Variants in ADAMTS3 observed in about 807,000 individuals in gnomAD.
ADAMTS3 encodes the protein ADAM metallopeptidase with thrombospondin type 1 motif 3, also known as A disintegrin and metalloproteinase with thrombospondin motifs 3.
ADAMTS3 carries 73 observed loss-of-function variants against 129.0 expected under a neutral mutation model. The observed-to-expected ratio is 0.57, with a 90% CI of 0.47 to 0.69. The LOEUF (loss-of-function observed/expected upper bound fraction) is 0.69, where lower values mean the gene tolerates loss of function less well. Among genes scored for constraint, ADAMTS3 ranks in the 30% least tolerant of loss-of-function variants. The pLI is 0.00. For missense variants in ADAMTS3, 1,457 were observed against 1,514.5 expected (o/e 0.96, Z 0.63); for synonymous variants, 477 against 510.8 (o/e 0.93, Z 0.89).
intron 17 of ADAMTS3, among the ~76,000 whole-genome samples, chr4:72,301,011 G>A (rs1382654741): frequency 1.3e-5 from 2 of 152,188 alleles, no homozygotes; most frequent in African/African-American, 4.8e-5. Flanking sequence ...ATGTTCCACA[G>A]AAACTATAAG....
chr4:72,312,238 T>G, intron 13 of ADAMTS3, 53 bp downstream of exon 13: 8 of 1,601,726 alleles, frequency 5.0e-6, no homozygotes, highest in Non-Finnish European at 6.8e-6. Flanking sequence ...TGGCAAAGCT[T>G]AAACTGTGAG....
At chr4:72,319,000 A>G (rs1158084562) in intron 9 of ADAMTS3, among the ~76,000 whole-genome samples, 1 of 152,198 alleles carries the variant, frequency 6.6e-6, no homozygotes, top group East Asian at 1.9e-4. Flanking sequence ...CCTGACACCT[A>G]TACTGTAGAG....
intron 4 of ADAMTS3, among the ~76,000 whole-genome samples, chr4:72,352,198 C>G (rs116540452): frequency 1.3e-5 from 2 of 151,996 alleles, no homozygotes; most frequent in Non-Finnish European, 2.9e-5. Context: ...AGTGAGAACA[C>G]TTTACCACGT....
intron 3 of ADAMTS3, among the ~76,000 whole-genome samples, chr4:72,447,127 C>T (rs1718276346): frequency 6.6e-6 from 1 of 151,714 alleles, no homozygotes; most frequent in African/African-American, 2.4e-5. Flanking sequence ...ACTGTTCTTA[C>T]GGTTGCTCTA....
chr4:72,416,164 C>CACATAT, intron 3 of ADAMTS3, among the ~76,000 whole-genome samples: 1 of 148,632 alleles, frequency 6.7e-6, no homozygotes, highest in African/African-American at 2.4e-5. Flanking sequence ...ATGTTTTCAG[C>CACATAT]AAATATAAAT....
chr4:72,462,088 T>G (rs1718785648), intron 3 of ADAMTS3, among the ~76,000 whole-genome samples: 1 of 151,920 alleles, frequency 6.6e-6, no homozygotes, highest in Non-Finnish European at 1.5e-5. Flanking sequence ...TGAAGAGTTA[T>G]GACTTTAAAA....
intron 3 of ADAMTS3, among the ~76,000 whole-genome samples, chr4:72,430,269 T>C (rs1722665983): frequency 6.6e-6 from 1 of 152,058 alleles, no homozygotes; most frequent in African/African-American, 2.4e-5. Flanking sequence ...GAAGTGTCAC[T>C]GCAGGACTTC....
At chr4:72,318,219 T>TG (rs1560470248) in intron 10 of ADAMTS3, among the ~76,000 whole-genome samples, 1 of 151,998 alleles carries the variant, frequency 6.6e-6, no homozygotes, top group Non-Finnish European at 1.5e-5. Flanking sequence ...TCTCTGAAGG[T>TG]CACAAAAAGC....
intron 17 of ADAMTS3, among the ~76,000 whole-genome samples, chr4:72,300,967 G>A (rs1194561521): frequency 6.6e-6 from 1 of 152,156 alleles, no homozygotes; most frequent in African/African-American, 2.4e-5. Flanking sequence ...GATACTCTAT[G>A]CCAGAACTAG....
chr4:72,530,631 T>C (rs1166621964), intron 3 of ADAMTS3, among the ~76,000 whole-genome samples: 2 of 83,484 alleles, frequency 2.4e-5, no homozygotes, highest in East Asian at 7.3e-4. Context: ...TATATTATTA[T>C]ATAATATATT....
chr4:72,566,976 T>C (rs1427889242), intron 2 of ADAMTS3, among the ~76,000 whole-genome samples: 1 of 152,250 alleles, frequency 6.6e-6, no homozygotes, highest in African/African-American at 2.4e-5. Context: ...CTGTACTTCA[T>C]TGTTCTCTTC....
intron 3 of ADAMTS3, among the ~76,000 whole-genome samples, chr4:72,544,008 A>G (rs1721403404): frequency 6.6e-6 from 1 of 152,114 alleles, no homozygotes; most frequent in South Asian, 2.1e-4. Context: ...CTGGAGTTAG[A>G]TCTCAGTTCA....
rs771924405 is a variant in ADAMTS3, at chr4:72,283,467, G to T, written c.3287C>A (p.Thr1096Asn). 4 of 1,614,062 alleles carry T rather than the reference G, an allele frequency of 2.5e-6. No homozygotes were observed. In the South Asian group the frequency reaches 3.3e-5, roughly 13 times the overall value. The change falls in exon 22 of 22, where the codon ACC becomes AAC. Residue 1096 changes from threonine to asparagine, a missense_variant. By Grantham distance (65) the Thr-to-Asn change is moderately conservative. Coordinates refer to ENST00000286657, the MANE Select transcript of ADAMTS3 (RefSeq NM_014243.3). ...PTSLVPYHSETPAKKMSLSSI... is the reference protein window; with the variant it reads ...PTSLVPYHSENPAKKMSLSSI... ...ACTCAAAGACATCTTCTTTGCAGGG[G>T]TCTCTGAATGATAAGGAACCAAAGA...
intron 4 of ADAMTS3, among the ~76,000 whole-genome samples, chr4:72,360,774 T>A (rs973511241): frequency 1.3e-5 from 2 of 152,136 alleles, no homozygotes; most frequent in African/African-American, 4.8e-5. Flanking sequence ...TCAAAATATA[T>A]CTTAAATATT....
chr4:72,342,709 C>T (rs1720171126), intron 4 of ADAMTS3, among the ~76,000 whole-genome samples: 1 of 152,102 alleles, frequency 6.6e-6, no homozygotes, highest in Non-Finnish European at 1.5e-5. Context: ...ATTGTGGAAT[C>T]TAAGATTGAT....
Position 72,463,912 on chromosome 4 carries a change from C to A in ADAMTS3, c.505-48941G>T, listed in dbSNP as rs147507719. Among the ~76,000 whole-genome samples the A allele has an allele frequency of 1.4e-4, 22 of 151,936 alleles. No individual in the cohort carries two copies. The East Asian group carries it at 3.9e-3, about 27-fold the overall frequency. ...TCAATTTAACATCCTAGCATTAGCACCAGCCAAGCAGACACAGCCAGCCTG... is the reference window on the plus strand; with the variant it reads ...TCAATTTAACATCCTAGCATTAGCAACAGCCAAGCAGACACAGCCAGCCTG... On this transcript the variant is annotated intron_variant, in intron 3 of 21. Coordinates refer to ENST00000286657, the MANE Select transcript of ADAMTS3 (RefSeq NM_014243.3).
In ADAMTS3 at chr4:72,320,654, T is replaced by C. The variant is rs1719528129; in HGVS notation, c.1102+60A>G. The C allele has an allele frequency of 2.6e-6, 4 of 1,551,590 alleles. No individual in the cohort carries two copies. The Admixed American group carries it at 7.0e-5, about 27-fold the overall frequency. On this transcript the variant is annotated intron_variant, in intron 7 of 21. Transcript: ENST00000286657. Reference sequence around the variant, plus strand: ...GAACATTTGAACAGACTGCCTGATTTAGGATTACTTTTTAAAAGTCATGCC... The same window carrying C: ...GAACATTTGAACAGACTGCCTGATTCAGGATTACTTTTTAAAAGTCATGCC...
At chr4:72,434,435 A>C (rs550816509) in intron 3 of ADAMTS3, among the ~76,000 whole-genome samples, 1 of 151,926 alleles carries the variant, frequency 6.6e-6, no homozygotes, top group East Asian at 2.0e-4. Flanking sequence ...CTTATAGAGT[A>C]GAATAAGGTC....
intron 3 of ADAMTS3, among the ~76,000 whole-genome samples, chr4:72,545,184 A>T (rs1328792715): frequency 6.6e-6 from 1 of 152,200 alleles, no homozygotes; most frequent in Non-Finnish European, 1.5e-5. Flanking sequence ...CAGATTTTTA[A>T]AAAATGAAAA....
Sources: gnomAD v4.1 joint callset for allele counts (sites outside exome capture counted in the v4.1 genomes callset) on GRCh38, gnomAD v4.1.1 for gene constraint, MANE v1.5 for transcripts, NCBI Gene and HGNC (gene_info 2026-07-23, HGNC 2026-07-21) for gene names.